Variants in C2orf80 observed in about 807,000 individuals in gnomAD.
C2orf80 encodes uncharacterized protein C2orf80.
A neutral mutation model predicts 30.2 loss-of-function variants in C2orf80; 28 were observed. The ratio of observed to expected loss-of-function variants is 0.93; its 90% CI spans 0.69 to 1.27. The LOEUF (loss-of-function observed/expected upper bound fraction) is 1.27. C2orf80 is among the 50% of genes most tolerant of loss of function. The pLI is 0.00. For synonymous variants in C2orf80, 80 were observed against 76.4 expected (o/e 1.05, Z -0.24); for missense variants, 220 against 231.0 (o/e 0.95, Z 0.31).
intron 6 of C2orf80, among the ~76,000 whole-genome samples, chr2:208,176,463 A>G (rs1317387268): frequency 6.6e-6 from 1 of 152,224 alleles, no homozygotes; most frequent in Non-Finnish European, 1.5e-5. Context: ...GGCGTGAGCC[A>G]CGGCACCTGG....
intron 1 of C2orf80, among the ~76,000 whole-genome samples, chr2:208,188,085 C>CGCGT (rs1696771087): frequency 6.9e-6 from 1 of 144,112 alleles, no homozygotes; most frequent in Admixed American, 7.0e-5. Context: ...TATACTGCAC[C>CGCGT]GTGTGTGTGT....
At chr2:208,176,989 A>ACATATGTATACAGATC (rs1559340729) in intron 6 of C2orf80, among the ~76,000 whole-genome samples, 1 of 73,562 alleles carries the variant, frequency 1.4e-5, no homozygotes, top group Non-Finnish European at 2.9e-5. Context: ...AGAAATGTAT[A>ACATATGTATACAGATC]TGTATACATA....
chr2:208,168,532 G>T lies in C2orf80; in HGVS notation c.573+2413C>A, dbSNP rs1415554973. The T allele has an allele frequency of 2.4e-5, 4 of 169,422 alleles. No individual in the cohort carries two copies. The South Asian group carries it at 4.3e-4, about 18-fold the overall frequency. 10.5% of individuals were successfully genotyped at this position (169,422 alleles called of 1,614,324 possible). On this transcript the variant is annotated intron_variant, in intron 8 of 8. Transcript: ENST00000341287. Reference sequence around the variant, plus strand: ...AAAAATTAGCCGGGCGTGGTGGCGGGCGCCTGTAGTCCCAGCTACTCGGGA... The same window carrying T: ...AAAAATTAGCCGGGCGTGGTGGCGGTCGCCTGTAGTCCCAGCTACTCGGGA...
At chr2:208,176,553 AT>A (rs1696302396) in intron 6 of C2orf80, among the ~76,000 whole-genome samples, 1 of 152,196 alleles carries the variant, frequency 6.6e-6, no homozygotes, top group Non-Finnish European at 1.5e-5. Context: ...ACATCCCACA[AT>A]GCACAGGACA....
chr2:208,184,183 C>G (rs1348378877), intron 3 of C2orf80, among the ~76,000 whole-genome samples: 5 of 152,144 alleles, frequency 3.3e-5, no homozygotes, highest in Non-Finnish European at 5.9e-5. Context: ...GGGGCGCCCC[C>G]CTCACCCCCG....
intron 6 of C2orf80, among the ~76,000 whole-genome samples, chr2:208,172,789 A>G (rs775602682): frequency 3.3e-5 from 5 of 152,114 alleles, no homozygotes; most frequent in Non-Finnish European, 7.4e-5. Context: ...ACCATACAGA[A>G]ACTCTTTTGC....
chr2:208,166,620 G>C (rs1023972150), intron 8 of C2orf80, among the ~76,000 whole-genome samples: 10 of 152,076 alleles, frequency 6.6e-5, no homozygotes, highest in Admixed American at 3.9e-4. Flanking sequence ...TGGTGATGAA[G>C]AGAGCGATTA....
intron 6 of C2orf80, among the ~76,000 whole-genome samples, chr2:208,178,123 G>C (rs1196812641): frequency 6.6e-6 from 1 of 152,042 alleles, no homozygotes. Context: ...CAGCCTTCTA[G>C]CAACTTTAAA....
At chr2:208,188,272 T>C (rs1696777711) in intron 1 of C2orf80, among the ~76,000 whole-genome samples, 1 of 152,202 alleles carries the variant, frequency 6.6e-6, no homozygotes, top group Admixed American at 6.5e-5. Flanking sequence ...TGTACGTATA[T>C]TTAAATCACT....
At position 208,165,549 on chromosome 2, in the gene C2orf80, A is replaced by G; in HGVS notation, c.*258T>C. On this transcript the variant is annotated 3_prime_UTR_variant, in exon 9 of 9. Transcript: ENST00000341287. ...GCTTGCTCTAACACAGAAATACTAT[A>G]TACTTTCTGAATTCTCCAGCAGTCT... is the stretch of plus-strand genomic sequence containing the variant. The G allele has an allele frequency of 2.4e-6, 1 of 415,850 alleles. No homozygotes were observed. The highest frequency in any genetic ancestry group is 2.0e-5 in the African/African-American group (1 of 49,470). 25.8% of individuals were successfully genotyped at this position (415,850 alleles called of 1,614,324 possible). A position where few individuals can be genotyped will look rare whatever the true frequency, so the allele number is the denominator to read the frequency against.
chr2:208,169,044 G>C (rs959140407), intron 8 of C2orf80, among the ~76,000 whole-genome samples: 10 of 151,832 alleles, frequency 6.6e-5, no homozygotes, highest in African/African-American at 2.4e-4. Flanking sequence ...GAAATACTAA[G>C]GAAATAAAAG....
intron 5 of C2orf80, 96 bp downstream of exon 5, chr2:208,181,122 A>G: frequency 1.1e-6 from 1 of 943,398 alleles, no homozygotes; most frequent in Non-Finnish European, 1.6e-6. Flanking sequence ...ACATTTAGAA[A>G]CATTGGTTGA....
intron 8 of C2orf80, among the ~76,000 whole-genome samples, chr2:208,169,489 T>TG (rs1392799312): frequency 6.6e-6 from 1 of 152,018 alleles, no homozygotes; most frequent in Non-Finnish European, 1.5e-5. Context: ...CCCAGCACTT[T>TG]GGGGGGCTGA....
intron 8 of C2orf80, among the ~76,000 whole-genome samples, chr2:208,169,516 C>T (rs1039145619): frequency 6.6e-6 from 1 of 151,734 alleles, no homozygotes; most frequent in African/African-American, 2.4e-5. Context: ...AGTTTGAGAC[C>T]AGCCTGGACA....
chr2:208,182,950 C>T lies in C2orf80; in HGVS notation c.206+15G>A, dbSNP rs762665445. On this transcript the variant is annotated intron_variant, in intron 4 of 8. Transcript: ENST00000341287. ...ACAAATTAAAGAGGAAAGCAACAAA[C>T]CTACTTCAACTTACAGTTCCTCCCA... 10 of 1,603,238 alleles carry T rather than the reference C, an allele frequency of 6.2e-6. No homozygotes were observed. The highest frequency in any genetic ancestry group is 1.1e-5 in the South Asian group (1 of 90,862).
chr2:208,174,665 G>C (rs530270730), intron 6 of C2orf80, among the ~76,000 whole-genome samples: 1 of 152,208 alleles, frequency 6.6e-6, no homozygotes, highest in Non-Finnish European at 1.5e-5. Context: ...TAACTTATCC[G>C]AAGACACACA....
Position 208,181,805 on chromosome 2 carries a change from TA to T in C2orf80, c.207-501del, listed in dbSNP as rs1418854014. ...AGCCACTGAGACACAATTGGGTGAT[TA>T]AAAAAAAATATATCCACCCTTCCCC... On this transcript the variant is annotated intron_variant, in intron 4 of 8. Coordinates refer to ENST00000341287, the MANE Select transcript of C2orf80 (RefSeq NM_001099334.3). Among the ~76,000 whole-genome samples, 4 of 151,158 alleles carry T rather than the reference TA, an allele frequency of 2.6e-5. No homozygotes were observed. In the East Asian group the frequency reaches 7.7e-4, roughly 29 times the overall value.
Position 208,182,130 on chromosome 2 carries a change from C to G in C2orf80, c.207-825G>C, listed in dbSNP as rs139724911. Among the ~76,000 whole-genome samples the G allele has an allele frequency of 4.3e-3, 657 of 152,208 alleles. 5 individuals carry two copies. Among genetic ancestry groups the G allele is most frequent in the African/African-American group, 0.015 (612 of 41,530 alleles). On this transcript the variant is annotated intron_variant, in intron 4 of 8. Transcript: ENST00000341287. ...CATTGAGTAGAAAAAAAATAACAGG[C>G]CTCCAGAATAAGCTATTTGATCCTG...
intron 8 of C2orf80, among the ~76,000 whole-genome samples, chr2:208,167,938 G>A (rs1695956619): frequency 6.6e-6 from 1 of 151,130 alleles, no homozygotes; most frequent in African/African-American, 2.4e-5. Context: ...TTCGGTGGCT[G>A]GAAATAAATA....
Sources: allele counts gnomAD v4.1 joint callset (sites outside exome capture counted in the v4.1 genomes callset), GRCh38; gene constraint gnomAD v4.1.1; transcripts MANE v1.5; gene names NCBI Gene and HGNC (gene_info 2026-07-23, HGNC 2026-07-21).